MAPK10: variants seen among roughly 807,000 people sequenced by gnomAD.
The protein encoded by MAPK10 is JNK3 alpha protein kinase.
A neutral mutation model predicts 59.3 loss-of-function variants in MAPK10; 25 were observed. The observed-to-expected ratio is 0.42, with a 90% confidence interval of 0.31 to 0.59. The LOEUF (loss-of-function observed/expected upper bound fraction) is 0.59, where lower values mean the gene tolerates loss of function less well. Among genes scored for constraint, MAPK10 ranks in the 20% least tolerant of loss-of-function variants. MAPK10 has a pLI of 0.15. For missense variants in MAPK10, 351 were observed against 568.9 expected (o/e 0.62, Z 3.90); for synonymous variants, 190 against 200.5 (o/e 0.95, Z 0.44).
intron 2 of MAPK10, among the ~76,000 whole-genome samples, chr4:86,230,172 A>G (rs943559252): frequency 1.3e-5 from 2 of 152,250 alleles, no homozygotes; most frequent in Admixed American, 1.3e-4. Context: ...TTTTATCTTT[A>G]AGTGATTTTA....
chr4:86,034,907 GGTGGTGGTGGTAGTGGTA>G (rs1248199531), intron 11 of MAPK10, among the ~76,000 whole-genome samples: 1 of 152,104 alleles, frequency 6.6e-6, no homozygotes, highest in Non-Finnish European at 1.5e-5. Context: ...GGGTGGTGGT[GGTGGTGGTGGTAGTGGTA>G]GTGGTGGTGC....
intron 1 of MAPK10, among the ~76,000 whole-genome samples, chr4:86,507,631 T>TAG (rs1755858694): frequency 3.4e-5 from 2 of 58,848 alleles, no homozygotes; most frequent in Admixed American, 3.4e-4. Flanking sequence ...TATATATATA[T>TAG]ATATATATAT....
chr4:86,283,998 G>A lies in MAPK10; in HGVS notation c.-7+70532C>T, dbSNP rs192279856. ...AGCATATTAAAGGTTATGAGAAGCC[G>A]CATAATAAAGAAACCCAATTAATCA... is the stretch of plus-strand genomic sequence containing the variant. On this transcript the variant is annotated intron_variant, in intron 2 of 13. Coordinates refer to ENST00000641462, the MANE Select transcript of MAPK10 (RefSeq NM_138982.4). Among the ~76,000 whole-genome samples the A allele has an allele frequency of 2.3e-4, 35 of 152,186 alleles. No individual in the cohort carries two copies. The South Asian group carries it at 2.9e-3, about 13-fold the overall frequency.
chr4:86,190,758 G>A (rs1010693302), intron 3 of MAPK10, among the ~76,000 whole-genome samples: 1 of 152,018 alleles, frequency 6.6e-6, no homozygotes, highest in Non-Finnish European at 1.5e-5. Flanking sequence ...GTTCTGCTCT[G>A]ATCTTAGTTA....
intron 4 of MAPK10, among the ~76,000 whole-genome samples, chr4:86,131,768 C>T (rs186649330): frequency 1.8e-4 from 28 of 152,054 alleles, no homozygotes; most frequent in African/African-American, 6.0e-4. Flanking sequence ...ATTTACGAGA[C>T]GATGCAAATA....
Position 86,411,509 on chromosome 4 carries a change from G to T in MAPK10, c.-122+41521C>A, listed in dbSNP as rs148468747. ...CTAATATTGACAGTGGAGTGTTAAA[G>T]TCTCCCATTATTATTGTGTGGGAGT... is the stretch of plus-strand genomic sequence containing the variant. On this transcript the variant is annotated intron_variant, in intron 1 of 13. Coordinates refer to the MAPK10 transcript ENST00000361569. Among the ~76,000 whole-genome samples the T allele has an allele frequency of 1.0e-2, 1,518 of 152,244 alleles. 18 individuals carry two copies. The highest frequency in any genetic ancestry group is 0.035 in the African/African-American group (1,436 of 41,542).
intron 1 of MAPK10, among the ~76,000 whole-genome samples, chr4:86,355,658 T>G (rs1734053593): frequency 6.6e-6 from 1 of 152,242 alleles, no homozygotes; most frequent in South Asian, 2.1e-4. Flanking sequence ...GAATATTTGG[T>G]GTGTCCCTAT....
intron 1 of MAPK10, among the ~76,000 whole-genome samples, chr4:86,471,267 C>G (rs935518432): frequency 7.4e-6 from 1 of 134,288 alleles, no homozygotes; most frequent in Admixed American, 7.8e-5. Context: ...AGACTCTGTG[C>G]CCCCCTGCAA....
chr4:86,172,908 A>G (rs2074684657), intron 3 of MAPK10, among the ~76,000 whole-genome samples: 1 of 152,118 alleles, frequency 6.6e-6, no homozygotes, highest in Non-Finnish European at 1.5e-5. Flanking sequence ...ACAGTTAACA[A>G]GAGATGTGAA....
chr4:86,579,763 G>T (rs1336253686), intron 1 of MAPK10, among the ~76,000 whole-genome samples: 1 of 151,958 alleles, frequency 6.6e-6, no homozygotes, highest in Non-Finnish European at 1.5e-5. Context: ...TCACTTCTCA[G>T]ATACACTAAA....
At chr4:86,277,641 CA>C (rs1383422417) in intron 2 of MAPK10, among the ~76,000 whole-genome samples, 1 of 152,074 alleles carries the variant, frequency 6.6e-6, no homozygotes, top group African/African-American at 2.4e-5. Context: ...TATTTGCAAG[CA>C]AAGTTACACA....
intron 2 of MAPK10, among the ~76,000 whole-genome samples, chr4:86,301,940 C>G (rs1361709811): frequency 6.6e-6 from 1 of 151,846 alleles, no homozygotes; most frequent in Admixed American, 6.6e-5. Context: ...CTTTTTTTCT[C>G]TCATTTTAAA....
At chr4:86,230,002 T>C (rs1032573401) in intron 2 of MAPK10, among the ~76,000 whole-genome samples, 4 of 152,180 alleles carry the variant, frequency 2.6e-5, no homozygotes, top group African/African-American at 9.6e-5. Flanking sequence ...TCGAGACTGC[T>C]GTGAGCCATG....
rs182761877 is a variant in MAPK10 at position 86,185,516 on chromosome 4, C to T, written c.66+8820G>A. Among the ~76,000 whole-genome samples, 268 of 152,160 alleles carry T rather than the reference C, an allele frequency of 1.8e-3. 3 individuals are homozygous for T. The highest frequency in any genetic ancestry group is 5.9e-3 in the African/African-American group (243 of 41,532). On this transcript the variant is annotated intron_variant, in intron 3 of 13. Coordinates refer to ENST00000641462, the MANE Select transcript of MAPK10 (RefSeq NM_138982.4). ...GTGAGATAGGAAGACATTGAAAGGT[C>T]TTTCTCTTTTGTTTTAGTTTTAGTC...
At chr4:86,190,399 A>G (rs568955722) in intron 3 of MAPK10, among the ~76,000 whole-genome samples, 11 of 152,248 alleles carry the variant, frequency 7.2e-5, no homozygotes, top group South Asian at 2.1e-4. Context: ...TTGGTAGGCT[A>G]TTAATTACTG....
intron 4 of MAPK10, among the ~76,000 whole-genome samples, chr4:86,116,219 C>A (rs998276099): frequency 6.6e-6 from 1 of 152,126 alleles, no homozygotes; most frequent in Admixed American, 6.5e-5. Context: ...AAGAAAGTAC[C>A]TTTCCATGTA....
intron 2 of MAPK10, among the ~76,000 whole-genome samples, chr4:86,249,172 AC>A (rs562149042): frequency 7.6e-4 from 116 of 152,276 alleles, no homozygotes; most frequent in African/African-American, 2.5e-3. Flanking sequence ...ATACACACAC[AC>A]ACACACACCA....
At chr4:86,154,011 G>C (rs2149215701) in intron 4 of MAPK10, among the ~76,000 whole-genome samples, 1 of 152,260 alleles carries the variant, frequency 6.6e-6, no homozygotes, top group Non-Finnish European at 1.5e-5. Context: ...GGGCTAAATG[G>C]AAATGTGTGA....
At position 86,316,604 on chromosome 4, in the gene MAPK10, C is replaced by T. The variant is rs529757771; in HGVS notation, c.-7+37926G>A. Reference sequence around the variant, plus strand: ...TTATTTCTCATTGGTCGAAATAAGACATAAAAGCAAAGCATTTTGCTTTTA... The same window carrying T: ...TTATTTCTCATTGGTCGAAATAAGATATAAAAGCAAAGCATTTTGCTTTTA... On this transcript the variant is annotated intron_variant, in intron 2 of 13. Transcript: ENST00000641462. Among the ~76,000 whole-genome samples, 6 of 152,170 alleles carry T rather than the reference C, an allele frequency of 3.9e-5. No individual in the cohort carries two copies. In the East Asian group the frequency reaches 1.2e-3, roughly 29 times the overall value.
Sources: gnomAD v4.1 joint callset for allele counts (sites outside exome capture counted in the v4.1 genomes callset) on GRCh38, gnomAD v4.1.1 for gene constraint, MANE v1.5 for transcripts, NCBI Gene and HGNC (gene_info 2026-07-23, HGNC 2026-07-21) for gene names.